Variants in NECTIN2 observed in about 807,000 individuals in gnomAD.
The protein encoded by NECTIN2 is nectin cell adhesion molecule 2.
A neutral mutation model predicts 56.9 loss-of-function variants in NECTIN2; 23 were observed. The ratio of observed to expected loss-of-function variants is 0.40; its 90% confidence interval spans 0.29 to 0.57. The LOEUF (loss-of-function observed/expected upper bound fraction) is 0.57. Among genes scored for constraint, NECTIN2 ranks in the 20% least tolerant of loss-of-function variants. NECTIN2 has a pLI of 0.38. For synonymous variants in NECTIN2, 302 were observed against 313.8 expected (o/e 0.96, Z 0.40); for missense variants, 587 against 718.3 (o/e 0.82, Z 2.09).
At chr19:44,855,792 T>C (rs954664520) in intron 1 of NECTIN2, among the ~76,000 whole-genome samples, 1 of 152,180 alleles carries the variant, frequency 6.6e-6, no homozygotes, top group South Asian at 2.1e-4. Flanking sequence ...TGCTAGGCCC[T>C]GTTGTAGGTG....
intron 1 of NECTIN2, among the ~76,000 whole-genome samples, chr19:44,858,325 CT>C (rs144011930): frequency 3.4e-4 from 50 of 148,698 alleles, no homozygotes; most frequent in African/African-American, 9.4e-4. Context: ...TCGCTGATGG[CT>C]TTTTTTTTTA....
intron 1 of NECTIN2, among the ~76,000 whole-genome samples, chr19:44,853,145 A>G (rs1968920665): frequency 6.6e-6 from 1 of 151,742 alleles, no homozygotes; most frequent in African/African-American, 2.4e-5. Flanking sequence ...CAGGGCCTGA[A>G]CTATCCTATT....
At chr19:44,882,458 G>A (rs1969318320) in intron 6 of NECTIN2, 94 bp downstream of exon 6, 1 of 1,198,954 alleles carries the variant, frequency 8.3e-7, no homozygotes, top group Non-Finnish European at 1.1e-6. Context: ...TCTCCATAAT[G>A]GCTGTGTGAA....
intron 6 of NECTIN2, among the ~76,000 whole-genome samples, chr19:44,884,343 C>T (rs915264569): frequency 1.3e-5 from 2 of 151,998 alleles, no homozygotes; most frequent in African/African-American, 4.8e-5. Flanking sequence ...TTTGTAGAGA[C>T]AGGGTTTTGC....
intron 1 of NECTIN2, among the ~76,000 whole-genome samples, chr19:44,862,954 CTGGCTAACA>C (rs1441725494): frequency 6.8e-6 from 1 of 147,240 alleles, no homozygotes; most frequent in African/African-American, 2.5e-5. Context: ...TGAGACCATC[CTGGCTAACA>C]TGGTGAAACC....
At chr19:44,854,603 A>G (rs1452826871) in intron 1 of NECTIN2, among the ~76,000 whole-genome samples, 3 of 151,884 alleles carry the variant, frequency 2.0e-5, no homozygotes, top group Admixed American at 1.3e-4. Context: ...ACTTGAGGTC[A>G]GGAGTCCGAG....
At chr19:44,882,137 G>A in intron 5 of NECTIN2, 74 bp from the exon 6 acceptor site, 1 of 1,295,822 alleles carries the variant, frequency 7.7e-7, no homozygotes, top group Non-Finnish European at 1.0e-6. Flanking sequence ...ATGATGTGGG[G>A]TGGGATGGTC....
At chr19:44,884,508 C>G (rs1969339321) in intron 6 of NECTIN2, among the ~76,000 whole-genome samples, 1 of 152,226 alleles carries the variant, frequency 6.6e-6, no homozygotes, top group Admixed American at 6.5e-5. Context: ...ACAGGAAGGT[C>G]TGTTACACCA....
rs1402699053 is a variant in NECTIN2 at position 44,874,013 on chromosome 19, C to T, written c.873C>T (p.Pro291=). 7.4e-6 allele frequency: 12 copies of T among 1,613,580 alleles called. No individual in the cohort carries two copies. The highest frequency in any genetic ancestry group is 2.2e-5 in the East Asian group (1 of 44,876). ...LSCDVRSNPE[P]TGYDWSTTSG... ...GTGACGTCCGCAGCAACCCAGAGCC[C>T]ACGGGCTATGACTGGAGCACGTGAG... The change falls in exon 4 of 9, where the codon CCC becomes CCT. Residue 291 remains proline (P), a synonymous_variant. Transcript: ENST00000252483. The surrounding 1 kb of genome is among the most constrained non-coding windows in gnomAD (Gnocchi z 6.3).
intron 1 of NECTIN2, among the ~76,000 whole-genome samples, chr19:44,852,521 C>T (rs1968911942): frequency 7.9e-6 from 1 of 127,196 alleles, no homozygotes; most frequent in Non-Finnish European, 1.7e-5. Flanking sequence ...AGCAAGACTC[C>T]GTCTCAAAAA....
Position 44,882,357 on chromosome 19 carries a change from G to T in NECTIN2, c.1189G>T (p.Asp397Tyr). 1 of 1,445,978 alleles carries T rather than the reference G, an allele frequency of 6.9e-7. No homozygotes were observed. Among genetic ancestry groups the T allele is most frequent in the Non-Finnish European group, 9.2e-7 (1 of 1,088,520 alleles). 89.6% of individuals were successfully genotyped at this position (1,445,978 alleles called of 1,614,324 possible). ...KEQTLQGAEE[D>Y]EDLEGPPSYK... ...GCAGACGCTGCAGGGGGCAGAGGAG[G>T]ACGAAGAGTAAGTGATGGGCCCTGA... The change falls in exon 6 of 9, where the codon GAC (aspartate) becomes TAC (tyrosine). Residue 397 changes from aspartate (D) to tyrosine (Y), a missense_variant. Coordinates refer to ENST00000252483, the MANE Select transcript of NECTIN2 (RefSeq NM_001042724.2).
intron 1 of NECTIN2, among the ~76,000 whole-genome samples, chr19:44,859,819 C>A: frequency 7.2e-6 from 1 of 139,112 alleles, no homozygotes; most frequent in Non-Finnish European, 1.6e-5. Flanking sequence ...AGCAAGACTC[C>A]GTCTCCAAAA....
intron 2 of NECTIN2, among the ~76,000 whole-genome samples, chr19:44,867,386 C>T (rs183099813): frequency 1.2e-4 from 18 of 152,058 alleles, no homozygotes; most frequent in African/African-American, 4.1e-4. Context: ...TTCAGCTACT[C>T]GAGAGACTGA....
chr19:44,878,300 C>T, intron 5 of NECTIN2: 1 of 1,429,672 alleles, frequency 7.0e-7, no homozygotes, highest in Non-Finnish European at 9.6e-7. Context: ...GGTGCTGCTG[C>T]TTCTGGCTGG....
Position 44,865,132 on chromosome 19 carries a change from G to T in NECTIN2, c.89-139G>T. ...ATGTCTTTTCCAGGTGGCTTTTTTG[G>T]AATCAGGATGCTGCGAAGCTGCCTA... On this transcript the variant is annotated intron_variant, in intron 1 of 8. Coordinates refer to ENST00000252483, the MANE Select transcript of NECTIN2 (RefSeq NM_001042724.2). The surrounding 1 kb of genome is among the most constrained non-coding windows in gnomAD (Gnocchi z 5.2). 2.2e-6 allele frequency: 2 copies of T among 900,882 alleles called. No individual in the cohort carries two copies. The highest frequency in any genetic ancestry group is 3.3e-6 in the Non-Finnish European group (2 of 599,376). 55.8% of individuals were successfully genotyped at this position (900,882 alleles called of 1,614,324 possible).
chr19:44,883,135 T>A (rs1969326690), intron 6 of NECTIN2, among the ~76,000 whole-genome samples: 1 of 152,160 alleles, frequency 6.6e-6, no homozygotes, highest in South Asian at 2.1e-4. Context: ...AGAATTTACA[T>A]TAAAATAACG....
intron 6 of NECTIN2, among the ~76,000 whole-genome samples, 194 bp downstream of exon 6, chr19:44,882,558 T>A (rs563364340): frequency 1.1e-4 from 16 of 151,914 alleles, no homozygotes; most frequent in Non-Finnish European, 1.8e-4. Context: ...ATTTAAAAAT[T>A]AGCTGGGGGC....
At position 44,867,328 on chromosome 19, in the gene NECTIN2, G is replaced by GA. The variant is rs377086184; in HGVS notation, c.478+1677dup. On this transcript the variant is annotated intron_variant, in intron 2 of 8. Coordinates refer to ENST00000252483, the MANE Select transcript of NECTIN2 (RefSeq NM_001042724.2). ...TGAGCCACTGAGCCTGGCCAGGAAAGAAAAAAAAATTGTTTTAATTAACCA... is the reference window on the plus strand; with the variant it reads ...TGAGCCACTGAGCCTGGCCAGGAAAGAAAAAAAAAATTGTTTTAATTAACCA... Among the ~76,000 whole-genome samples, 1,351 of 150,960 alleles carry GA rather than the reference G, an allele frequency of 8.9e-3. 23 individuals carry two copies. Among genetic ancestry groups the GA allele is most frequent in the African/African-American group, 0.031 (1,265 of 41,218 alleles).
At chr19:44,851,277 A>T (rs1162555038) in intron 1 of NECTIN2, among the ~76,000 whole-genome samples, 1 of 134,678 alleles carries the variant, frequency 7.4e-6, no homozygotes, top group Admixed American at 7.5e-5. Context: ...CCAGGCCCTT[A>T]GTCCCTCCTC....
Sources: allele counts gnomAD v4.1 joint callset (sites outside exome capture counted in the v4.1 genomes callset), GRCh38; gene constraint gnomAD v4.1.1; non-coding constraint Gnocchi (gnomAD v3.1); transcripts MANE v1.5; gene names NCBI Gene and HGNC (gene_info 2026-07-23, HGNC 2026-07-21).